The following TIPIN variants were observed in gnomAD, a reference collection of about 807,000 sequenced individuals.
The protein encoded by TIPIN is TIMELESS interacting protein.
A neutral mutation model predicts 35.6 loss-of-function variants in TIPIN; 29 were observed. That is an observed-to-expected ratio of 0.82 (90% CI 0.61 to 1.11). The LOEUF is 1.11. Ranked by LOEUF, TIPIN falls within the 50% of genes most tolerant of loss-of-function variation. TIPIN has a pLI of 0.00. For missense variants in TIPIN, 296 were observed against 345.4 expected (o/e 0.86, Z 1.13); for synonymous variants, 102 against 121.5 (o/e 0.84, Z 1.06).
At chr15:66,385,036 G>T (rs9944273) in intron 1 of TIPIN, among the ~76,000 whole-genome samples, 149,343 of 152,340 alleles carry the variant, frequency 0.98, 73,275 homozygotes, top group East Asian at 1. Context: ...TACTTCTAAC[G>T]TCATTCTACC....
At chr15:66,357,625 CGA>C (rs1384043948), upstream of TIPIN, among the ~76,000 whole-genome samples, 11 of 110,906 alleles carry the variant, frequency 9.9e-5, no homozygotes, top group Non-Finnish European at 1.1e-4. Flanking sequence ...AAAAAAAAAG[CGA>C]GAGAGTGTGA....
At chr15:66,345,437 T>C (rs1353078296) in intron 6 of TIPIN, among the ~76,000 whole-genome samples, 1 of 151,994 alleles carries the variant, frequency 6.6e-6, no homozygotes, top group African/African-American at 2.4e-5. Flanking sequence ...CCGGGCACAG[T>C]GGCTCACTGG....
intron 7 of TIPIN, among the ~76,000 whole-genome samples, chr15:66,338,754 C>T (rs558731682): frequency 1.5e-5 from 2 of 136,852 alleles, no homozygotes; most frequent in East Asian, 4.2e-4. Flanking sequence ...GCGGGGCTTG[C>T]AGTGAGCCGA....
Position 66,352,839 on chromosome 15 carries a change from C to A in TIPIN, c.109G>T (p.Gly37Cys), listed in dbSNP as rs141529487. 67 of 1,612,884 alleles carry A rather than the reference C, an allele frequency of 4.2e-5. No individual in the cohort carries two copies. The African/African-American group carries it at 6.8e-4, about 16-fold the overall frequency. Residue 37 changes from glycine (G) to cysteine (C), a missense_variant, in exon 2 of 8, where the codon GGT (glycine) becomes TGT (cysteine). Physicochemically the swap from Gly to Cys is radical, Grantham distance 159. Coordinates refer to ENST00000261881, the MANE Select transcript of TIPIN (RefSeq NM_017858.3). Reference sequence around the variant, plus strand: ...CCTTCATCAGGCTCAGTTCCTTCACCATCTTGTCTCTCTGGAGAGGCTGGA... The same window carrying A: ...CCTTCATCAGGCTCAGTTCCTTCACAATCTTGTCTCTCTGGAGAGGCTGGA... ...PPPASPERQDGEGTEPDEESG... is the reference protein window; with the variant it reads ...PPPASPERQDCEGTEPDEESG...
intron 1 of TIPIN, among the ~76,000 whole-genome samples, chr15:66,381,884 C>T (rs111452896): frequency 9.9e-5 from 15 of 152,180 alleles, no homozygotes; most frequent in South Asian, 6.2e-4. Context: ...CCCAACATGG[C>T]GAAACCCTGT....
chr15:66,337,270 G>T, intron 7 of TIPIN, 89 bp from the exon 8 acceptor site: 2 of 904,136 alleles, frequency 2.2e-6, no homozygotes, highest in Non-Finnish European at 3.3e-6. Context: ...GCTCAGTTTA[G>T]TAAAATGAAG....
chr15:66,384,567 T>G (rs2093329491), intron 1 of TIPIN, among the ~76,000 whole-genome samples: 1 of 152,138 alleles, frequency 6.6e-6, no homozygotes, highest in African/African-American at 2.4e-5. Context: ...GTGCTGGGAT[T>G]ACAGGTGGTA....
At chr15:66,366,697 G>T (rs2093255946) in intron 1 of TIPIN, 1 of 438,080 alleles carries the variant, frequency 2.3e-6, no homozygotes, top group Non-Finnish European at 3.0e-6. Context: ...AACCCAGGAG[G>T]CGGAGGTTGC....
At chr15:66,381,803 C>T (rs1239372459) in intron 1 of TIPIN, among the ~76,000 whole-genome samples, 1 of 152,234 alleles carries the variant, frequency 6.6e-6, no homozygotes, top group African/African-American at 2.4e-5. Flanking sequence ...GTGGCTCACA[C>T]CTGTAATCCC....
intron 3 of TIPIN, 37 bp from the exon 4 acceptor site, chr15:66,351,637 T>C: frequency 7.2e-7 from 1 of 1,398,318 alleles, no homozygotes; most frequent in Non-Finnish European, 9.4e-7. Flanking sequence ...TCAAGTTTTA[T>C]TTTCTTTTTT....
At chr15:66,380,151 A>G (rs2093313644) in intron 1 of TIPIN, among the ~76,000 whole-genome samples, 1 of 151,634 alleles carries the variant, frequency 6.6e-6, no homozygotes, top group African/African-American at 2.4e-5. Flanking sequence ...ACAGGCGCCC[A>G]CCACTGCGCC....
chr15:66,350,978 G>C (rs1169965988), intron 4 of TIPIN, among the ~76,000 whole-genome samples: 1 of 138,590 alleles, frequency 7.2e-6, no homozygotes, highest in African/African-American at 2.7e-5. Flanking sequence ...TTAGATATTA[G>C]AAACACTTGA....
intron 1 of TIPIN, chr15:66,382,290 A>G (rs2093321371): frequency 1.1e-6 from 1 of 942,810 alleles, no homozygotes; most frequent in Admixed American, 6.2e-5. Context: ...AATTAATCTC[A>G]GGTCTTTCTC....
intron 1 of TIPIN, among the ~76,000 whole-genome samples, chr15:66,368,392 C>G (rs2140487284): frequency 6.6e-6 from 1 of 151,460 alleles, no homozygotes; most frequent in East Asian, 1.9e-4. Context: ...GTATCACACA[C>G]CTGTAGTCCC....
At chr15:66,384,354 G>C (rs1228005232) in intron 1 of TIPIN, among the ~76,000 whole-genome samples, 1 of 151,782 alleles carries the variant, frequency 6.6e-6, no homozygotes, top group Non-Finnish European at 1.5e-5. Context: ...GAGTGCAGTG[G>C]TGCAATCTCG....
At chr15:66,361,257 A>G (rs2093229712), upstream of TIPIN, among the ~76,000 whole-genome samples, 2 of 144,350 alleles carry the variant, frequency 1.4e-5, no homozygotes, top group South Asian at 4.7e-4. Context: ...TTTCTATTGT[A>G]ATTTTTTTTT....
Position 66,341,340 on chromosome 15 carries a change from AT to A in TIPIN, c.491del (p.Asn164IlefsTer11), listed in dbSNP as rs1566971154. The A allele has an allele frequency of 6.2e-7, 1 of 1,612,838 alleles. No individual in the cohort carries two copies. The highest frequency in any genetic ancestry group is 1.1e-5 in the South Asian group (1 of 91,012). ...FVSNNDEVAE[N>X]NEHDVTSTEL... Reference sequence around the variant, plus strand: ...CAGTAGAAGTGACATCATGTTCATTATTCTCCGCAACTTCATCTGCAATAGA... The same window carrying A: ...CAGTAGAAGTGACATCATGTTCATTATCTCCGCAACTTCATCTGCAATAGA... On this transcript the variant is annotated frameshift_variant, in exon 7 of 8. Coordinates refer to ENST00000261881, the MANE Select transcript of TIPIN (RefSeq NM_017858.3). LOFTEE classifies it high-confidence loss of function.
chr15:66,364,140 T>C (rs1157430726), intron 1 of TIPIN, among the ~76,000 whole-genome samples: 1 of 148,698 alleles, frequency 6.7e-6, no homozygotes, highest in Non-Finnish European at 1.5e-5. Context: ...CAACATGCTA[T>C]AGAGAAATCT....
intron 1 of TIPIN, among the ~76,000 whole-genome samples, chr15:66,365,011 TG>T (rs1044881530): frequency 4.6e-4 from 66 of 144,664 alleles, no homozygotes; most frequent in African/African-American, 1.5e-3. Flanking sequence ...GAAATATAAT[TG>T]GAGAAAAAGG....
Sources: gnomAD v4.1 joint callset for allele counts (sites outside exome capture counted in the v4.1 genomes callset) on GRCh38, gnomAD v4.1.1 for gene constraint, MANE v1.5 for transcripts, NCBI Gene and HGNC (gene_info 2026-07-23, HGNC 2026-07-21) for gene names.